Variants in KIAA0825 observed in about 807,000 individuals in gnomAD.
KIAA0825 encodes KIAA0825, also known as uncharacterized protein KIAA0825.
Under a neutral mutation model 147.6 loss-of-function variants are expected in KIAA0825, and 119 were observed. The observed-to-expected ratio is 0.81, with a 90% confidence interval of 0.69 to 0.94. The LOEUF is 0.94. Ranked by LOEUF, KIAA0825 falls within the 40% of genes least tolerant of loss-of-function variation. The probability of loss-of-function intolerance (pLI) is 0.00; values close to 1 mark genes in which losing one functional copy is unlikely to be tolerated. For synonymous variants in KIAA0825, 470 were observed against 518.1 expected (o/e 0.91, Z 1.26); for missense variants, 1,381 against 1,472.7 (o/e 0.94, Z 1.02).
intron 20 of KIAA0825, among the ~76,000 whole-genome samples, chr5:94,251,992 TA>T (rs1775987275): frequency 6.6e-6 from 1 of 152,044 alleles, no homozygotes; most frequent in Non-Finnish European, 1.5e-5. Context: ...TGGTTGTCAT[TA>T]ACAAGACATG....
intron 20 of KIAA0825, among the ~76,000 whole-genome samples, chr5:94,249,641 G>C (rs569504852): frequency 2.2e-4 from 34 of 152,038 alleles, no homozygotes; most frequent in African/African-American, 8.0e-4. Flanking sequence ...TGTTCTCTCT[G>C]TTTGGAATGC....
At chr5:94,390,619 C>A (rs372675336) in intron 18 of KIAA0825, among the ~76,000 whole-genome samples, 1 of 152,106 alleles carries the variant, frequency 6.6e-6, no homozygotes, top group Admixed American at 6.5e-5. Context: ...ACCTGTTTAT[C>A]GACTGTTTGA....
intron 12 of KIAA0825, among the ~76,000 whole-genome samples, chr5:94,460,451 G>T (rs910452583): frequency 1.3e-5 from 2 of 152,040 alleles, no homozygotes; most frequent in African/African-American, 4.8e-5. Context: ...AGGAAAACAC[G>T]TTCAGTTTAT....
intron 3 of KIAA0825, among the ~76,000 whole-genome samples, chr5:94,530,591 G>A (rs1770592035): frequency 6.6e-6 from 1 of 152,218 alleles, no homozygotes; most frequent in Admixed American, 6.5e-5. Flanking sequence ...TGGCTGTGGT[G>A]TTAGTGACCA....
chr5:94,569,470 T>C, intron 2 of KIAA0825: 1 of 410,788 alleles, frequency 2.4e-6, no homozygotes, highest in Middle Eastern at 6.4e-4. Flanking sequence ...ATGTCATTAT[T>C]CTCGCACGGA....
chr5:94,349,116 T>C (rs1435168328), intron 20 of KIAA0825, among the ~76,000 whole-genome samples: 1 of 152,080 alleles, frequency 6.6e-6, no homozygotes, highest in Non-Finnish European at 1.5e-5. Flanking sequence ...TTCATGCAAA[T>C]GGACACCAAA....
chr5:94,442,067 A>G (rs1470082354), intron 13 of KIAA0825, among the ~76,000 whole-genome samples: 1 of 152,216 alleles, frequency 6.6e-6, no homozygotes, highest in Non-Finnish European at 1.5e-5. Context: ...AAGGCTTTCT[A>G]AATGTTAACT....
At chr5:94,458,850 T>C (rs925406841) in intron 12 of KIAA0825, among the ~76,000 whole-genome samples, 13 of 152,282 alleles carry the variant, frequency 8.5e-5, no homozygotes, top group Admixed American at 7.9e-4. Context: ...ACCACAAGAT[T>C]TACCCACTTA....
intron 13 of KIAA0825, among the ~76,000 whole-genome samples, chr5:94,445,436 G>A (rs1278630472): frequency 6.6e-6 from 1 of 152,158 alleles, no homozygotes; most frequent in East Asian, 1.9e-4. Flanking sequence ...AAGGGAAGAA[G>A]ATGTTTCAAG....
At chr5:94,536,947 A>G (rs142001858) in intron 3 of KIAA0825, 49 bp downstream of exon 3, 19 of 1,354,592 alleles carry the variant, frequency 1.4e-5, no homozygotes, top group African/African-American at 1.3e-4. Flanking sequence ...TAAATTTCAT[A>G]TAAGTGAAAT....
intron 20 of KIAA0825, among the ~76,000 whole-genome samples, chr5:94,257,267 A>G (rs1429198153): frequency 1.3e-5 from 2 of 152,110 alleles, no homozygotes; most frequent in Non-Finnish European, 2.9e-5. Flanking sequence ...TGATTTCTTC[A>G]TTACATGCTT....
At chr5:94,525,646 A>T (rs914690517) in intron 3 of KIAA0825, among the ~76,000 whole-genome samples, 1 of 151,954 alleles carries the variant, frequency 6.6e-6, no homozygotes, top group South Asian at 2.1e-4. Context: ...ACTCTTTATC[A>T]AAGGTTTTTA....
At chr5:94,436,601 C>T (rs191733872) in intron 14 of KIAA0825, among the ~76,000 whole-genome samples, 58 of 152,172 alleles carry the variant, frequency 3.8e-4, no homozygotes, top group African/African-American at 1.2e-3. Flanking sequence ...CTTGGCTACC[C>T]GGGCTCTTTT....
intron 1 of KIAA0825, among the ~76,000 whole-genome samples, chr5:94,585,951 A>G (rs1359188064): frequency 6.6e-6 from 1 of 152,194 alleles, no homozygotes; most frequent in Non-Finnish European, 1.5e-5. Context: ...CCGGGTAAAT[A>G]ATGACATGAA....
Position 94,153,738 on chromosome 5 carries a change from A to T in KIAA0825, c.*269T>A. On this transcript the variant is annotated 3_prime_UTR_variant, in exon 21 of 21. Transcript: ENST00000682413. Reference sequence around the variant, plus strand: ...TACTTCAAGACTGAAAGGAGAAAAAAATAATTCAAAGGGAACACGAGATGG... The same window carrying T: ...TACTTCAAGACTGAAAGGAGAAAAATATAATTCAAAGGGAACACGAGATGG... 3.7e-6 allele frequency: 1 copy of T among 273,492 alleles called. No individual in the cohort carries two copies. The highest frequency in any genetic ancestry group is 6.8e-6 in the Non-Finnish European group (1 of 147,192). 16.9% of individuals were successfully genotyped at this position (273,492 alleles called of 1,614,324 possible). A position where few individuals can be genotyped will look rare whatever the true frequency, so the allele number is the denominator to read the frequency against.
intron 20 of KIAA0825, among the ~76,000 whole-genome samples, chr5:94,182,747 T>C (rs1182048779): frequency 6.6e-6 from 1 of 152,196 alleles, no homozygotes; most frequent in Non-Finnish European, 1.5e-5. Context: ...TTTGCAGTTA[T>C]TTTTTAAACT....
chr5:94,196,930 C>A (rs1254658882), intron 20 of KIAA0825, among the ~76,000 whole-genome samples: 1 of 152,142 alleles, frequency 6.6e-6, no homozygotes, highest in Non-Finnish European at 1.5e-5. Flanking sequence ...AATGAATATA[C>A]AAGTGCATGT....
chr5:94,472,531 G>T (rs1761337131), intron 8 of KIAA0825, among the ~76,000 whole-genome samples: 1 of 152,096 alleles, frequency 6.6e-6, no homozygotes, highest in South Asian at 2.1e-4. Context: ...GGATCACAAG[G>T]TCGGAGATTG....
intron 2 of KIAA0825, chr5:94,567,382 A>C (rs2152312626): frequency 6.6e-6 from 1 of 152,346 alleles, no homozygotes. Context: ...GTTTAATACC[A>C]TGATGGAACA....
Sources: allele counts gnomAD v4.1 joint callset (sites outside exome capture counted in the v4.1 genomes callset), GRCh38; gene constraint gnomAD v4.1.1; transcripts MANE v1.5; gene names NCBI Gene and HGNC (gene_info 2026-07-23, HGNC 2026-07-21).